The following DUSP22 variants were observed in gnomAD, a reference collection of about 807,000 sequenced individuals.
The protein encoded by DUSP22 is dual specificity protein phosphatase 22.
DUSP22 carries 24 observed loss-of-function variants against 24.5 expected under a neutral mutation model. That is an observed-to-expected ratio of 0.98 (90% CI 0.71 to 1.38). The LOEUF is 1.38. Among genes scored for constraint, DUSP22 ranks in the 40% most tolerant of loss-of-function variants. The probability of loss-of-function intolerance (pLI) is 0.00; values close to 1 mark genes in which losing one functional copy is unlikely to be tolerated. For synonymous variants in DUSP22, 160 were observed against 106.4 expected, an observed-to-expected ratio of 1.50 and a Z score of -3.10; for missense variants, 330 against 269.2, an observed-to-expected ratio of 1.23 and a Z score of -1.58.
chr6:344,423 C>T (rs915617576), intron 4 of DUSP22, among the ~76,000 whole-genome samples: 4 of 152,294 alleles, frequency 2.6e-5, no homozygotes, highest in Non-Finnish European at 5.9e-5. Context: ...GTACCCGGGA[C>T]TACAGGCATG....
intron 6 of DUSP22, 58 bp from the exon 7 acceptor site, chr6:348,711 C>T (rs905774308): frequency 2.9e-4 from 460 of 1,605,692 alleles, no homozygotes; most frequent in Non-Finnish European, 3.6e-4. Context: ...TGCAAGCCCA[C>T]GTGGATGCAG....
At chr6:310,035 A>G (rs1254612142) in intron 2 of DUSP22, among the ~76,000 whole-genome samples, 1 of 152,296 alleles carries the variant, frequency 6.6e-6, no homozygotes, top group African/African-American at 2.4e-5. Context: ...ATCTCGGCTC[A>G]CTGCAACCTC....
chr6:347,091 G>C (rs1288976350), intron 5 of DUSP22, among the ~76,000 whole-genome samples: 2 of 152,298 alleles, frequency 1.3e-5, no homozygotes, highest in Non-Finnish European at 2.9e-5. Context: ...AACATACCTT[G>C]GGGGTTCAAT....
At chr6:297,461 G>A (rs1205707930) in intron 1 of DUSP22, among the ~76,000 whole-genome samples, 1 of 152,310 alleles carries the variant, frequency 6.6e-6, no homozygotes, top group Non-Finnish European at 1.5e-5. Context: ...AAGAGAATAT[G>A]TTCCCTCTAG....
chr6:346,941 A>G (rs1054959849), intron 5 of DUSP22, among the ~76,000 whole-genome samples: 3 of 152,298 alleles, frequency 2.0e-5, no homozygotes, highest in African/African-American at 7.2e-5. Context: ...GACGCTAGAT[A>G]GTTGAGTTGT....
At chr6:308,972 G>A (rs112847851) in intron 2 of DUSP22, among the ~76,000 whole-genome samples, 10,772 of 149,266 alleles carry the variant, frequency 0.072, 39 homozygotes, top group Non-Finnish European at 0.11. Flanking sequence ...TTCTGTGAGC[G>A]CTGAAGCTGT....
chr6:332,118 G>A (rs1210921300), intron 3 of DUSP22, among the ~76,000 whole-genome samples: 2 of 152,304 alleles, frequency 1.3e-5, no homozygotes, highest in African/African-American at 4.8e-5. Flanking sequence ...TCACTCTGCA[G>A]ACATTTCAGT....
chr6:346,607 G>C (rs1759890761), intron 5 of DUSP22, among the ~76,000 whole-genome samples: 1 of 152,306 alleles, frequency 6.6e-6, no homozygotes, highest in African/African-American at 2.4e-5. Context: ...TGGCTAATTT[G>C]TTCAGGGAAC....
At position 349,331 on chromosome 6, in the gene DUSP22, A is replaced by C; in HGVS notation, c.*380A>C. 1 of 1,088,140 alleles carries C rather than the reference A, an allele frequency of 9.2e-7. No homozygotes were observed. The highest frequency in any genetic ancestry group is 6.8e-5 in the East Asian group (1 of 14,766). 67.4% of individuals were successfully genotyped at this position (1,088,140 alleles called of 1,614,324 possible). A position where few individuals can be genotyped will look rare whatever the true frequency, so the allele number is the denominator to read the frequency against. ...TGTTGTGAAAGTGTCTGTGCACATG[A>C]ATGTTTGTGTGTGTGTGAACTCTTT... On this transcript the variant is annotated 3_prime_UTR_variant, in exon 7 of 7. Transcript: ENST00000419235.
At chr6:293,769 G>A (rs1406299930) in intron 1 of DUSP22, among the ~76,000 whole-genome samples, 1 of 151,104 alleles carries the variant, frequency 6.6e-6, no homozygotes, top group African/African-American at 2.4e-5. Flanking sequence ...TCAATACTGG[G>A]GTATTTTGGT....
At chr6:344,286 A>G (rs1187786078) in intron 4 of DUSP22, among the ~76,000 whole-genome samples, 1 of 151,806 alleles carries the variant, frequency 6.6e-6, no homozygotes, top group Non-Finnish European at 1.5e-5. Flanking sequence ...ACTTAGTTCT[A>G]TTATTTGTTT....
intron 3 of DUSP22, among the ~76,000 whole-genome samples, chr6:320,527 G>C (rs938060): frequency 6.6e-6 from 1 of 152,426 alleles, no homozygotes; most frequent in Non-Finnish European, 1.5e-5. Context: ...ACTGAGTGTA[G>C]TGTGCATAGA....
intron 2 of DUSP22, among the ~76,000 whole-genome samples, chr6:305,178 G>A (rs1757766619): frequency 6.6e-6 from 1 of 152,310 alleles, no homozygotes; most frequent in Non-Finnish European, 1.5e-5. Context: ...GAGATTGACA[G>A]GCAAAGTGTA....
At position 348,770 on chromosome 6, in the gene DUSP22, A is replaced by G. The variant is rs1364749503; in HGVS notation, c.437A>G (p.Tyr146Cys). Residue 146 changes from tyrosine (Y) to cysteine (C), a missense_variant and splice_region_variant, in exon 7 of 7, where the codon TAT becomes TGT. By Grantham distance (194) the Tyr-to-Cys change is radical. Transcript: ENST00000419235. ...QEFEKHEVHQ[Y>C]RQWLKEEYGE... ...CGGGTTTGTTTCCATCCTCTCCAGT[A>G]TCGGCAGTGGCTGAAGGAAGAATAT... 1.9e-6 allele frequency: 3 copies of G among 1,614,182 alleles called. No individual in the cohort carries two copies. Among genetic ancestry groups the G allele is most frequent in the African/African-American group, 2.7e-5 (2 of 74,964 alleles).
At chr6:341,514 G>A (rs544275728) in intron 4 of DUSP22, among the ~76,000 whole-genome samples, 23 of 152,416 alleles carry the variant, frequency 1.5e-4, no homozygotes, top group Admixed American at 6.5e-5. Context: ...CAGTGCGCTC[G>A]CCTGCCTCTG....
At chr6:306,205 C>A (rs1162265590) in intron 2 of DUSP22, among the ~76,000 whole-genome samples, 2 of 152,298 alleles carry the variant, frequency 1.3e-5, no homozygotes, top group Non-Finnish European at 2.9e-5. Context: ...AAGGGAGTGT[C>A]TTTGAGAACA....
At chr6:348,312 G>T in intron 6 of DUSP22, 38 bp downstream of exon 6, 2 of 1,612,728 alleles carry the variant, frequency 1.2e-6, no homozygotes, top group South Asian at 1.1e-5. Flanking sequence ...ATGCAGGCAG[G>T]TGCCCCTGAA....
chr6:312,370 A>G (rs1758150176), intron 3 of DUSP22, among the ~76,000 whole-genome samples: 1 of 152,278 alleles, frequency 6.6e-6, no homozygotes, highest in African/African-American at 2.4e-5. Context: ...ACTGGCATTC[A>G]GGGGTCACAG....
intron 4 of DUSP22, among the ~76,000 whole-genome samples, chr6:339,253 C>G (rs1229880771): frequency 6.6e-6 from 1 of 152,302 alleles, no homozygotes. Flanking sequence ...CTTTTGCTTT[C>G]TCTCTGGGAT....
Sources: gnomAD v4.1 joint callset for allele counts (sites outside exome capture counted in the v4.1 genomes callset) on GRCh38, gnomAD v4.1.1 for gene constraint, MANE v1.5 for transcripts, NCBI Gene and HGNC (gene_info 2026-07-23, HGNC 2026-07-21) for gene names.